Variants in EML6 observed in about 807,000 individuals in gnomAD.
EML6 encodes the protein echinoderm microtubule-associated protein-like 6.
EML6 carries 154 observed loss-of-function variants against 240.1 expected under a neutral mutation model. The observed-to-expected ratio is 0.64, with a 90% CI of 0.56 to 0.73. The LOEUF is 0.73. Among genes scored for constraint, EML6 ranks in the 30% least tolerant of loss-of-function variants. The pLI, the probability that EML6 is intolerant of heterozygous loss-of-function variation, is 0.00. For missense variants in EML6, 2,964 were observed against 2,474.6 expected, an observed-to-expected ratio of 1.20 and a Z score of -4.20; for synonymous variants, 1,148 against 899.0, an observed-to-expected ratio of 1.28 and a Z score of -4.95.
At chr2:54,775,684 C>A (rs1211716700) in intron 2 of EML6, among the ~76,000 whole-genome samples, 1 of 152,122 alleles carries the variant, frequency 6.6e-6, no homozygotes, top group East Asian at 1.9e-4. Flanking sequence ...GCTATATCCC[C>A]AGGAGAGTGC....
chr2:54,928,783 T>C (rs1430569362), intron 28 of EML6, 32 bp downstream of exon 28: 81 of 1,551,406 alleles, frequency 5.2e-5, no homozygotes, highest in Non-Finnish European at 7.1e-5. Flanking sequence ...TTGCTTTTAT[T>C]ATACCTGATG....
In EML6 at chr2:54,724,062, G is replaced by T. The variant is rs1212486087; in HGVS notation, c.-514+285G>T. Among the ~76,000 whole-genome samples the T allele has an allele frequency of 2.0e-5, 3 of 152,184 alleles. No homozygotes were observed. The highest frequency in any genetic ancestry group is 4.4e-5 in the Non-Finnish European group (3 of 68,026). The stretch of plus-strand genomic sequence containing the variant: ...TTCTGGGGAGAAGTACACGATTTTT[G>T]CCACTTGTTATTTGATTTCTCCTCG... On this transcript the variant is annotated intron_variant, in intron 1 of 41. Transcript: ENST00000356458. The surrounding 1 kb of genome is among the most constrained non-coding windows in gnomAD (Gnocchi z 5.2).
In EML6 at chr2:54,948,929, A is replaced by G. The variant is rs1187269991; in HGVS notation, c.4052A>G (p.Asn1351Ser). 1 of 1,551,564 alleles carries G rather than the reference A, an allele frequency of 6.4e-7. No individual in the cohort carries two copies. The highest frequency in any genetic ancestry group is 1.2e-5 in the South Asian group (1 of 84,058). ...AAPQPEKLQK[N>S]NITKKKKLVE... Reference sequence around the variant, plus strand: ...CCCCAGCCTGAGAAACTGCAGAAGAACAATATCACCAAAAAAAAGAAACTG... The same window carrying G: ...CCCCAGCCTGAGAAACTGCAGAAGAGCAATATCACCAAAAAAAAGAAACTG... Residue 1351 changes from asparagine (N) to serine (S), a missense_variant, in exon 29 of 42, where the codon AAC becomes AGC. Coordinates refer to ENST00000356458, the MANE Select transcript of EML6 (RefSeq NM_001039753.4).
In EML6 at chr2:54,962,504, A is replaced by C; in HGVS notation, c.4969-19A>C. On this transcript the variant is annotated intron_variant, in intron 35 of 41. Transcript: ENST00000356458. ...ATACAGTATTTGTCCTTTTTCTAAT[A>C]GTGTTTCAATTACAACAGGGAAAAA... 6.6e-7 allele frequency: 1 copy of C among 1,521,604 alleles called. No homozygotes were observed. The highest frequency in any genetic ancestry group is 8.9e-7 in the Non-Finnish European group (1 of 1,129,254). The allele number at this position is 1,521,604 out of a possible 1,614,324, so 94.3% of individuals were successfully genotyped here. A position where few individuals can be genotyped will look rare whatever the true frequency, so the allele number is the denominator to read the frequency against.
At chr2:54,899,908 G>C in intron 22 of EML6, 126 bp downstream of exon 22, 1 of 928,904 alleles carries the variant, frequency 1.1e-6, no homozygotes, top group Non-Finnish European at 1.6e-6. Context: ...TGGGCAATGA[G>C]AATTTTATAT....
Position 54,971,081 on chromosome 2 carries a change from G to C in EML6, c.*986G>C, listed in dbSNP as rs1416417402. 6.6e-6 allele frequency: 1 copy of C among 152,232 alleles called. No individual in the cohort carries two copies. The highest frequency in any genetic ancestry group is 1.5e-5 in the Non-Finnish European group (1 of 68,054). The allele number at this position is 152,232 out of a possible 1,614,324, so 9.4% of individuals were successfully genotyped here. On this transcript the variant is annotated 3_prime_UTR_variant, in exon 42 of 42. Coordinates refer to ENST00000356458, the MANE Select transcript of EML6 (RefSeq NM_001039753.4). ...AGATAAATGAGGGTAACCCAAGGCT[G>C]CACCTTGGTGTACCACCCTGAGTGG...
chr2:54,836,043 C>T (rs1669123753), intron 7 of EML6, among the ~76,000 whole-genome samples: 1 of 152,176 alleles, frequency 6.6e-6, no homozygotes, highest in South Asian at 2.1e-4. Context: ...TCCCTGTGTG[C>T]CCACCATTTT....
At chr2:54,797,168 A>AAAAAACAAAAAAAAAAAAAAC (rs1669840208) in intron 2 of EML6, among the ~76,000 whole-genome samples, 8 of 125,908 alleles carry the variant, frequency 6.4e-5, no homozygotes, top group Non-Finnish European at 1.3e-4. Flanking sequence ...CCATCTCAAA[A>AAAAAACAAAAAAAAAAAAAAC]AAAAAAAAAA....
intron 4 of EML6, among the ~76,000 whole-genome samples, chr2:54,819,530 C>T (rs1324375366): frequency 6.6e-6 from 1 of 152,126 alleles, no homozygotes; most frequent in East Asian, 1.9e-4. Flanking sequence ...GTAATCCCAG[C>T]ACTTTGAGAG....
chr2:54,953,745 G>T lies in EML6; in HGVS notation c.4313-238G>T, dbSNP rs1676096255. Among the ~76,000 whole-genome samples, 5 of 152,030 alleles carry T rather than the reference G, an allele frequency of 3.3e-5. No homozygotes were observed. The South Asian group carries it at 8.3e-4, about 25-fold the overall frequency. The stretch of plus-strand genomic sequence containing the variant: ...CTGCTGAAAATACAAAAATTAGCTG[G>T]GTGTGGTGGTGCGTGCCTGTAATCC... On this transcript the variant is annotated intron_variant, in intron 31 of 41. Transcript: ENST00000356458.
At chr2:54,816,686 G>A in intron 3 of EML6, 101 bp from the exon 4 acceptor site, 2 of 927,070 alleles carry the variant, frequency 2.2e-6, no homozygotes. Flanking sequence ...TTTGTTATAA[G>A]AAATTCAATG....
chr2:54,735,541 T>A (rs1490365582), intron 2 of EML6, among the ~76,000 whole-genome samples: 2 of 152,246 alleles, frequency 1.3e-5, no homozygotes, highest in Non-Finnish European at 2.9e-5. Flanking sequence ...ATTATTGCTG[T>A]GTTCTTAGAC....
chr2:54,905,801 T>C (rs941451062), intron 24 of EML6, among the ~76,000 whole-genome samples: 1 of 152,232 alleles, frequency 6.6e-6, no homozygotes, highest in Non-Finnish European at 1.5e-5. Flanking sequence ...CTTTCTATAA[T>C]GGGCTTATTC....
chr2:54,903,752 A>G (rs533136172), intron 24 of EML6, among the ~76,000 whole-genome samples: 50 of 152,186 alleles, frequency 3.3e-4, no homozygotes, highest in Non-Finnish European at 7.1e-4. Context: ...AAGACAGTTA[A>G]AGATACATGA....
chr2:54,802,322 T>A (rs1254755057), intron 2 of EML6, among the ~76,000 whole-genome samples: 1 of 151,856 alleles, frequency 6.6e-6, no homozygotes, highest in East Asian at 1.9e-4. Context: ...TGAATTTTTT[T>A]AACTTGGTAA....
intron 24 of EML6, among the ~76,000 whole-genome samples, chr2:54,907,310 C>G (rs1399521825): frequency 1.3e-5 from 2 of 152,042 alleles, no homozygotes; most frequent in Non-Finnish European, 2.9e-5. Context: ...AGTTTGAGGC[C>G]AGCCTGGCCA....
At chr2:54,736,527 G>A (rs1683400037) in intron 2 of EML6, among the ~76,000 whole-genome samples, 1 of 152,174 alleles carries the variant, frequency 6.6e-6, no homozygotes, top group South Asian at 2.1e-4. Context: ...GTTCTTAGTT[G>A]TCTCCATTTA....
At chr2:54,848,269 C>G (rs138287600) in intron 9 of EML6, among the ~76,000 whole-genome samples, 1 of 152,140 alleles carries the variant, frequency 6.6e-6, no homozygotes, top group Non-Finnish European at 1.5e-5. Context: ...GTCGTTCTCT[C>G]GACTCACATG....
intron 2 of EML6, among the ~76,000 whole-genome samples, chr2:54,739,901 G>A (rs901170518): frequency 5.9e-5 from 9 of 152,202 alleles, no homozygotes; most frequent in African/African-American, 2.2e-4. Context: ...CTATGAATAC[G>A]TTCTGGAGAC....
Sources: allele counts gnomAD v4.1 joint callset (sites outside exome capture counted in the v4.1 genomes callset), GRCh38; gene constraint gnomAD v4.1.1; non-coding constraint Gnocchi (gnomAD v3.1); transcripts MANE v1.5; gene names NCBI Gene and HGNC (gene_info 2026-07-23, HGNC 2026-07-21).